AAK1: variants seen among roughly 807,000 people sequenced by gnomAD.
AAK1 encodes the protein AP2 associated kinase 1, also known as AP2-associated protein kinase 1.
A neutral mutation model predicts 116.0 loss-of-function variants in AAK1; 37 were observed. The ratio of observed to expected loss-of-function variants is 0.32; its 90% CI spans 0.25 to 0.42. The LOEUF (loss-of-function observed/expected upper bound fraction) is 0.42, where lower values mean the gene tolerates loss of function less well. Ranked by LOEUF, AAK1 falls within the 10% of genes least tolerant of loss-of-function variation. The pLI, the probability that AAK1 is intolerant of heterozygous loss-of-function variation, is 1.00. For synonymous variants in AAK1, 458 were observed against 439.9 expected (o/e 1.04, Z -0.51); for missense variants, 919 against 1,170.6 (o/e 0.79, Z 3.14).
At chr2:69,572,270 T>G (rs975525238) in intron 2 of AAK1, among the ~76,000 whole-genome samples, 2 of 152,226 alleles carry the variant, frequency 1.3e-5, no homozygotes, top group Non-Finnish European at 2.9e-5. Flanking sequence ...ACACTGTTAC[T>G]GATCCTGTCT....
At chr2:69,493,310 G>A (rs1422068136) in intron 17 of AAK1, among the ~76,000 whole-genome samples, 3 of 151,986 alleles carry the variant, frequency 2.0e-5, no homozygotes, top group African/African-American at 7.2e-5. Context: ...ACCGTGAAAG[G>A]ACGGGGCTAA....
Position 69,642,867 on chromosome 2 carries a change from C to A in AAK1, c.163+11G>T. Reference sequence around the variant, plus strand: ...AGATTTTAATTTACGGCGCATTGAGCCCCACCGTACCTTCCGCCAACACCT... The same window carrying A: ...AGATTTTAATTTACGGCGCATTGAGACCCACCGTACCTTCCGCCAACACCT... On this transcript the variant is annotated intron_variant, in intron 2 of 21. Transcript: ENST00000409085. 1 of 1,613,670 alleles carries A rather than the reference C, an allele frequency of 6.2e-7. No homozygotes were observed.
At chr2:69,579,120 C>G (rs1672439264) in intron 2 of AAK1, among the ~76,000 whole-genome samples, 1 of 152,200 alleles carries the variant, frequency 6.6e-6, no homozygotes, top group African/African-American at 2.4e-5. Context: ...TGTCTATTCT[C>G]TCACTCTCTC....
chr2:69,476,855 C>T (rs2104884770), intron 21 of AAK1, 25 bp downstream of exon 21: 1 of 1,570,088 alleles, frequency 6.4e-7, no homozygotes, highest in Non-Finnish European at 8.7e-7. Flanking sequence ...CCAAGCTCTT[C>T]TCTTTTCCCC....
chr2:69,537,731 G>A (rs1670535672), intron 5 of AAK1, among the ~76,000 whole-genome samples: 1 of 152,234 alleles, frequency 6.6e-6, no homozygotes, highest in Non-Finnish European at 1.5e-5. Flanking sequence ...TGGGGAAGCT[G>A]CAGATGCGCA....
rs941617590 is a variant in AAK1 at position 69,594,232 on chromosome 2, T to C, written c.164-37254A>G. 5.3e-5 allele frequency among the ~76,000 whole-genome samples: 8 copies of C among 152,098 alleles called. No individual in the cohort carries two copies. The East Asian group carries it at 1.5e-3, about 29-fold the overall frequency. On this transcript the variant is annotated intron_variant, in intron 2 of 21. Coordinates refer to ENST00000409085, the MANE Select transcript of AAK1 (RefSeq NM_014911.5). ...AACTCTCTCCACCATAACACATATA[T>C]CCAAAGACATTCAAAAATAAGACAT...
intron 5 of AAK1, among the ~76,000 whole-genome samples, chr2:69,538,187 C>T (rs1558944559): frequency 6.6e-6 from 1 of 152,270 alleles, no homozygotes; most frequent in East Asian, 1.9e-4. Flanking sequence ...GTGTGTCCAG[C>T]ATTGCGCTGC....
intron 2 of AAK1, among the ~76,000 whole-genome samples, chr2:69,608,360 C>T (rs1410249939): frequency 6.6e-6 from 1 of 152,182 alleles, no homozygotes; most frequent in Non-Finnish European, 1.5e-5. Flanking sequence ...ATTCAGTCAA[C>T]CTAAAATTTC....
chr2:69,567,963 G>A (rs2105111327), intron 2 of AAK1, among the ~76,000 whole-genome samples: 1 of 152,340 alleles, frequency 6.6e-6, no homozygotes, highest in South Asian at 2.1e-4. Context: ...TAAAGGAATG[G>A]AGAGCCTCTT....
intron 13 of AAK1, among the ~76,000 whole-genome samples, 197 bp downstream of exon 13, chr2:69,514,274 T>C (rs1676499109): frequency 6.6e-6 from 1 of 152,170 alleles, no homozygotes; most frequent in Non-Finnish European, 1.5e-5. Flanking sequence ...AGAATCCTTT[T>C]TTAAAAAAAC....
chr2:69,466,259 C>CG lies in AAK1; in HGVS notation c.*9609dup, dbSNP rs767719947. 3.6e-4 allele frequency: 464 copies of CG among 1,288,794 alleles called. No homozygotes were observed. The highest frequency in any genetic ancestry group is 1.3e-3 in the East Asian group (23 of 17,992). 79.8% of individuals were successfully genotyped at this position (1,288,794 alleles called of 1,614,324 possible). On this transcript the variant is annotated 3_prime_UTR_variant, in exon 22 of 22. Transcript: ENST00000409085. ...ATGGAACGGCTCCTCCCAGCTTCCC[C>CG]GGGGGGGGTCTGCAGCTCTCATCTT...
chr2:69,586,213 A>C (rs34743816), intron 2 of AAK1, among the ~76,000 whole-genome samples: 38,171 of 152,188 alleles, frequency 0.25, 5,903 homozygotes, highest in East Asian at 0.51. Context: ...CAGCTTTTTC[A>C]GGCCTTTTCC....
In AAK1 at chr2:69,460,913, T is replaced by A. The variant is rs1674324822; in HGVS notation, c.*14956A>T. 6 of 152,358 alleles carry A rather than the reference T, an allele frequency of 3.9e-5. No individual in the cohort carries two copies. The South Asian group carries it at 1.2e-3, about 32-fold the overall frequency. 9.4% of individuals were successfully genotyped at this position (152,358 alleles called of 1,614,324 possible). A position where few individuals can be genotyped will look rare whatever the true frequency, so the allele number is the denominator to read the frequency against. On this transcript the variant is annotated 3_prime_UTR_variant, in exon 22 of 22. Coordinates refer to ENST00000409085, the MANE Select transcript of AAK1 (RefSeq NM_014911.5). The stretch of plus-strand genomic sequence containing the variant: ...CATGTGTGGCTCGATGGTTTAGGAA[T>A]AAATATATTCTGGCTCAATGCTTTC...
intron 2 of AAK1, chr2:69,594,677 A>AT (rs911512887): frequency 2.4e-5 from 14 of 582,748 alleles, no homozygotes; most frequent in African/African-American, 3.8e-5. Flanking sequence ...TCTTGAAGGA[A>AT]TTTTTTTTAA....
chr2:69,463,414 CTCACT>C lies in AAK1; in HGVS notation c.*12450_*12454del, dbSNP rs1574180062. ...TCTGTCACCCAGGCTGGACTCACAA[CTCACT>C]GCAGCCTCAAACTCCTGGGCTCAAG... On this transcript the variant is annotated 3_prime_UTR_variant, in exon 22 of 22. Coordinates refer to ENST00000409085, the MANE Select transcript of AAK1 (RefSeq NM_014911.5). The C allele has an allele frequency of 6.6e-6, 1 of 152,222 alleles. No individual in the cohort carries two copies. The highest frequency in any genetic ancestry group is 6.5e-5 in the Admixed American group (1 of 15,288). The allele number at this position is 152,222 out of a possible 1,614,324, so 9.4% of individuals were successfully genotyped here.
At chr2:69,516,685 C>T (rs1166555962) in intron 12 of AAK1, 1 of 152,180 alleles carries the variant, frequency 6.6e-6, no homozygotes, top group African/African-American at 2.4e-5. Context: ...TTTGAAGAGA[C>T]TTCCACTGGC....
chr2:69,604,920 T>C (rs950105831), intron 2 of AAK1, among the ~76,000 whole-genome samples: 2 of 152,170 alleles, frequency 1.3e-5, no homozygotes. Flanking sequence ...GCTGAAAACT[T>C]AAGTCACCTC....
At chr2:69,548,575 TTCTC>T (rs966914075) in intron 3 of AAK1, among the ~76,000 whole-genome samples, 10 of 149,924 alleles carry the variant, frequency 6.7e-5, no homozygotes, top group African/African-American at 1.5e-4. Context: ...CTTTCTTTCT[TTCTC>T]TCTCTCTCTC....
intron 2 of AAK1, among the ~76,000 whole-genome samples, chr2:69,618,155 A>G (rs977922631): frequency 2.6e-5 from 4 of 152,204 alleles, no homozygotes; most frequent in African/African-American, 9.6e-5. Flanking sequence ...TACAGCGACC[A>G]TGCAAGGTCT....
Sources: gnomAD v4.1 joint callset for allele counts (sites outside exome capture counted in the v4.1 genomes callset) on GRCh38, gnomAD v4.1.1 for gene constraint, MANE v1.5 for transcripts, NCBI Gene and HGNC (gene_info 2026-07-23, HGNC 2026-07-21) for gene names.